CDH2: variants seen among roughly 807,000 people sequenced by gnomAD.
CDH2 encodes the protein cadherin-2.
Under a neutral mutation model 92.0 loss-of-function variants are expected in CDH2, and 17 were observed. That is an observed-to-expected ratio of 0.18 (90% CI 0.13 to 0.28). The LOEUF (loss-of-function observed/expected upper bound fraction) is 0.28. CDH2 is among the 10% of genes least tolerant of loss of function. The pLI is 1.00. For missense variants in CDH2, 862 were observed against 1,133.1 expected, an observed-to-expected ratio of 0.76 and a Z score of 3.44; for synonymous variants, 419 against 415.9, an observed-to-expected ratio of 1.01 and a Z score of -0.09.
chr18:28,070,784 G>A (rs2014602407), intron 2 of CDH2, among the ~76,000 whole-genome samples: 1 of 152,174 alleles, frequency 6.6e-6, no homozygotes, highest in African/African-American at 2.4e-5. Context: ...GAGGTAGTAA[G>A]GCAGCATGTC....
At chr18:28,059,963 C>G (rs472901) in intron 2 of CDH2, among the ~76,000 whole-genome samples, 133,710 of 152,136 alleles carry the variant, frequency 0.88, 59,079 homozygotes, top group African/African-American at 0.9. Context: ...TTCAAATTCT[C>G]TAATTTCATG....
chr18:28,087,970 G>A (rs1243721466), intron 2 of CDH2, among the ~76,000 whole-genome samples: 2 of 152,092 alleles, frequency 1.3e-5, no homozygotes, highest in Non-Finnish European at 2.9e-5. Flanking sequence ...CTCAAAGAGG[G>A]AGTGAATGTG....
chr18:27,942,072 G>T (rs1457386792), intron 6 of CDH2, among the ~76,000 whole-genome samples: 1 of 152,130 alleles, frequency 6.6e-6, no homozygotes, highest in East Asian at 1.9e-4. Flanking sequence ...TCAAAACCTG[G>T]AATGCAGAAA....
At chr18:28,095,441 AAAAGTTG>A (rs2015114703) in intron 2 of CDH2, among the ~76,000 whole-genome samples, 2 of 152,082 alleles carry the variant, frequency 1.3e-5, no homozygotes, top group African/African-American at 4.8e-5. Flanking sequence ...AAAATAAATA[AAAAGTTG>A]AAAAAAAAAG....
In CDH2 at chr18:27,973,462, T is replaced by G. The variant is rs17445714; in HGVS notation, c.2349+9482A>C. The stretch of plus-strand genomic sequence containing the variant: ...GATAAAGGAAAGCTGCTTTCCCTTG[T>G]TTTTGGTGAACCTTACATTCCGTTT... On this transcript the variant is annotated intron_variant, in intron 14 of 15. Coordinates refer to ENST00000269141, the MANE Select transcript of CDH2 (RefSeq NM_001792.5). 1.1e-4 allele frequency among the ~76,000 whole-genome samples: 16 copies of G among 152,216 alleles called. No homozygotes were observed. The South Asian group carries it at 3.1e-3, about 30-fold the overall frequency.
At chr18:28,133,891 G>A (rs2015817339) in intron 2 of CDH2, among the ~76,000 whole-genome samples, 1 of 152,088 alleles carries the variant, frequency 6.6e-6, no homozygotes. Context: ...AGGCACAGTG[G>A]TTCACGTCTG....
intron 2 of CDH2, among the ~76,000 whole-genome samples, chr18:28,075,790 G>A (rs995891708): frequency 1.3e-5 from 2 of 152,144 alleles, no homozygotes; most frequent in African/African-American, 4.8e-5. Flanking sequence ...CAGATCTCTT[G>A]CTCTTAACAC....
chr18:28,138,441 G>C (rs140502445), intron 2 of CDH2, among the ~76,000 whole-genome samples: 1 of 152,084 alleles, frequency 6.6e-6, no homozygotes, highest in Non-Finnish European at 1.5e-5. Context: ...CAAGAAGAAT[G>C]CCTCAGTACC....
chr18:27,961,787 T>C (rs888002708), intron 15 of CDH2, among the ~76,000 whole-genome samples: 1 of 152,106 alleles, frequency 6.6e-6, no homozygotes, highest in Admixed American at 6.6e-5. Context: ...ATACTTAAGC[T>C]AGAATTCTGG....
In CDH2 at chr18:28,058,189, T is replaced by C. The variant is rs778771779; in HGVS notation, c.173-44280A>G. 2.6e-5 allele frequency among the ~76,000 whole-genome samples: 4 copies of C among 152,244 alleles called. No homozygotes were observed. In the East Asian group the frequency reaches 7.7e-4, roughly 29 times the overall value. ...CCAATACAATAACAGTAAAACCTCA[T>C]GTATCACCCATTCTTATAAACTTTG... On this transcript the variant is annotated intron_variant, in intron 2 of 15. Transcript: ENST00000269141.
chr18:28,030,523 C>G (rs1235191281), intron 2 of CDH2, among the ~76,000 whole-genome samples: 4 of 151,876 alleles, frequency 2.6e-5, no homozygotes, highest in Admixed American at 2.0e-4. Flanking sequence ...AAAGAAAAAA[C>G]CTGGCCAGGA....
At chr18:27,990,544 T>A (rs781483958) in intron 9 of CDH2, among the ~76,000 whole-genome samples, 194 bp from the exon 10 acceptor site, 20 of 152,214 alleles carry the variant, frequency 1.3e-4, no homozygotes, top group Non-Finnish European at 2.4e-4. Context: ...TTAACCTAAT[T>A]ATAAATCTTG....
chr18:28,109,520 A>T (rs17463379), intron 2 of CDH2, among the ~76,000 whole-genome samples: 32,658 of 152,096 alleles, frequency 0.21, 3,729 homozygotes, highest in Middle Eastern at 0.35. Context: ...ACATTATTAT[A>T]GTAATACATA....
At chr18:27,963,568 T>C in intron 14 of CDH2, 47 bp from the exon 15 acceptor site, 10 of 1,572,130 alleles carry the variant, frequency 6.4e-6, no homozygotes, top group African/African-American at 1.3e-5. Flanking sequence ...GGCACAAAGA[T>C]AGAAAATTAC....
In CDH2 at chr18:27,953,442, C is replaced by T. The variant is rs566102037; in HGVS notation, c.2515-1083G>A. 3.3e-5 allele frequency among the ~76,000 whole-genome samples: 5 copies of T among 152,262 alleles called. No homozygotes were observed. In the South Asian group the frequency reaches 1.0e-3, roughly 32 times the overall value. On this transcript the variant is annotated intron_variant, in intron 15 of 15. Transcript: ENST00000269141. Reference sequence around the variant, plus strand: ...ACACTAACATTAGTCTCCAAACAATCGTTTGCTTTTTCCACACTCTACTTG... The same window carrying T: ...ACACTAACATTAGTCTCCAAACAATTGTTTGCTTTTTCCACACTCTACTTG...
At chr18:28,039,884 G>A (rs1165985422) in intron 2 of CDH2, among the ~76,000 whole-genome samples, 1 of 152,116 alleles carries the variant, frequency 6.6e-6, no homozygotes, top group Non-Finnish European at 1.5e-5. Flanking sequence ...TCAAGAAAAA[G>A]AGAGTATTAC....
intron 2 of CDH2, among the ~76,000 whole-genome samples, chr18:28,114,206 C>T (rs1044262880): frequency 6.6e-6 from 1 of 152,058 alleles, no homozygotes. Context: ...ACTGAACATT[C>T]CCAACAAAAC....
At chr18:28,038,369 G>T (rs2013878504) in intron 2 of CDH2, among the ~76,000 whole-genome samples, 1 of 151,868 alleles carries the variant, frequency 6.6e-6, no homozygotes, top group Non-Finnish European at 1.5e-5. Context: ...GCTACAGTGA[G>T]CTGTGATTGC....
At chr18:28,076,899 C>A (rs998849467) in intron 2 of CDH2, among the ~76,000 whole-genome samples, 52 of 151,974 alleles carry the variant, frequency 3.4e-4, no homozygotes, top group African/African-American at 1.2e-3. Flanking sequence ...GATGGAAAAG[C>A]AAAAGAGTAT....
Sources: allele counts gnomAD v4.1 joint callset (sites outside exome capture counted in the v4.1 genomes callset), GRCh38; gene constraint gnomAD v4.1.1; transcripts MANE v1.5; gene names NCBI Gene and HGNC (gene_info 2026-07-23, HGNC 2026-07-21).